DLG5: variants seen among roughly 807,000 people sequenced by gnomAD.
DLG5 encodes disks large homolog 5.
In DLG5, 48 loss-of-function variants were observed where a neutral mutation model predicts 189.8. That is an observed-to-expected ratio of 0.25 (90% CI 0.20 to 0.32). The LOEUF is 0.32. Among genes scored for constraint, DLG5 ranks in the 10% least tolerant of loss-of-function variants. The pLI, the probability that DLG5 is intolerant of heterozygous loss-of-function variation, is 1.00. For missense variants in DLG5, 2,160 were observed against 2,544.7 expected, an observed-to-expected ratio of 0.85 and a Z score of 3.25; for synonymous variants, 1,016 against 1,054.1, an observed-to-expected ratio of 0.96 and a Z score of 0.70.
At chr10:77,911,363 C>T (rs1255128607) in intron 1 of DLG5, among the ~76,000 whole-genome samples, 1 of 152,160 alleles carries the variant, frequency 6.6e-6, no homozygotes, top group African/African-American at 2.4e-5. Flanking sequence ...TCAAGCAATC[C>T]GCCTGCCTCC....
At chr10:77,930,342 A>T (rs536261446), upstream of DLG5, among the ~76,000 whole-genome samples, 4 of 150,970 alleles carry the variant, frequency 2.6e-5, no homozygotes, top group East Asian at 1.9e-4. Flanking sequence ...TGCTTTTTTT[A>T]AATTTATTTT....
chr10:77,870,634 A>G (rs1844858996), intron 1 of DLG5, among the ~76,000 whole-genome samples: 1 of 152,054 alleles, frequency 6.6e-6, no homozygotes, highest in Non-Finnish European at 1.5e-5. Flanking sequence ...GCAGTGAGCC[A>G]TGATCATGCC....
At chr10:77,833,139 C>T (rs1842956519) in intron 9 of DLG5, among the ~76,000 whole-genome samples, 1 of 152,032 alleles carries the variant, frequency 6.6e-6, no homozygotes, top group Non-Finnish European at 1.5e-5. Flanking sequence ...GGTTTTAGAC[C>T]ACGGCCTATT....
At position 77,911,963 on chromosome 10, in the gene DLG5, C is replaced by T. The variant is rs553522592; in HGVS notation, c.304+14254G>A. Among the ~76,000 whole-genome samples the T allele has an allele frequency of 1.5e-3, 227 of 150,030 alleles. 1 individual carries two copies. Among genetic ancestry groups the T allele is most frequent in the African/African-American group, 4.9e-3 (201 of 40,948 alleles). ...CCTGTGATCCCAACACTTTGGGAGGCTGAGGAGGGAGGATCACTTAAGGCC... is the reference window on the plus strand; with the variant it reads ...CCTGTGATCCCAACACTTTGGGAGGTTGAGGAGGGAGGATCACTTAAGGCC... On this transcript the variant is annotated intron_variant, in intron 1 of 31. Transcript: ENST00000372391.
At chr10:77,897,017 C>T (rs1374831056) in intron 1 of DLG5, among the ~76,000 whole-genome samples, 1 of 150,846 alleles carries the variant, frequency 6.6e-6, no homozygotes, top group Non-Finnish European at 1.5e-5. Context: ...CCAAATAATT[C>T]TATAAAATAT....
At chr10:77,940,062 C>T in the DLG5 span, among the ~76,000 whole-genome samples, 3 of 151,960 alleles carry the variant, frequency 2.0e-5, no homozygotes, top group East Asian at 1.9e-4. Context: ...ACTTGACCAA[C>T]AACTGACAAA....
intron 29 of DLG5, among the ~76,000 whole-genome samples, chr10:77,795,446 C>T (rs1840862156): frequency 6.6e-6 from 1 of 152,088 alleles, no homozygotes; most frequent in African/African-American, 2.4e-5. Context: ...GTAGAGTTTG[C>T]CCACTTTCAG....
intron 13 of DLG5, 38 bp from the exon 14 acceptor site, chr10:77,824,514 A>T: frequency 1.3e-6 from 2 of 1,545,062 alleles, no homozygotes; most frequent in Non-Finnish European, 1.8e-6. Flanking sequence ...CCACAGGCAG[A>T]GCGGCCTCAG....
At position 77,807,824 on chromosome 10, in the gene DLG5, C is replaced by T. The variant is rs1198066426; in HGVS notation, c.4768G>A (p.Gly1590Ser). 1.9e-6 allele frequency: 3 copies of T among 1,614,082 alleles called. No homozygotes were observed. The highest frequency in any genetic ancestry group is 2.5e-6 in the Non-Finnish European group (3 of 1,179,978). The change falls in exon 25 of 32, where the codon GGC becomes AGC. Residue 1590 changes from glycine to serine, a missense_variant. Around this residue, in one of 5 missense-constraint regions of DLG5, gnomAD observed 574 missense variants for 644.2 expected, o/e 0.89. Transcript: ENST00000372391. ...YRPEEFTKAK[G>S]LPGDSFYIRA... ...ATGTAGAAGCTGTCACCAGGCAGGC[C>T]CTTGGCCTTCGTGAACTCCTCAGGG... is the stretch of plus-strand genomic sequence containing the variant.
At position 77,816,199 on chromosome 10, in the gene DLG5, TAAC is replaced by T. The variant is rs1398411494; in HGVS notation, c.4025+349_4025+351del. ...AACTGTGAAACAGGGATAACAATAA[TAAC>T]GACACTGGCAGGGTCCCTGTAAGGA... On this transcript the variant is annotated intron_variant, in intron 20 of 31. Transcript: ENST00000372391. The T allele has an allele frequency of 1.1e-5, 6 of 550,040 alleles. No individual in the cohort carries two copies. The Admixed American group carries it at 1.3e-4, about 12-fold the overall frequency. The allele number at this position is 550,040 out of a possible 1,614,324, so 34.1% of individuals were successfully genotyped here. A position where few individuals can be genotyped will look rare whatever the true frequency, so the allele number is the denominator to read the frequency against.
chr10:77,871,393 T>A (rs1370154380), intron 1 of DLG5, among the ~76,000 whole-genome samples: 1 of 152,112 alleles, frequency 6.6e-6, no homozygotes, highest in Non-Finnish European at 1.5e-5. Flanking sequence ...AAAACCCAGT[T>A]CAGCCTTAAA....
chr10:77,913,254 A>T (rs1196482610), intron 1 of DLG5, among the ~76,000 whole-genome samples: 1 of 152,116 alleles, frequency 6.6e-6, no homozygotes, highest in Non-Finnish European at 1.5e-5. Context: ...ATCATTTTTA[A>T]AAGTTCTTCC....
At chr10:77,870,908 G>A (rs1189353622) in intron 1 of DLG5, among the ~76,000 whole-genome samples, 1 of 152,070 alleles carries the variant, frequency 6.6e-6, no homozygotes, top group Non-Finnish European at 1.5e-5. Context: ...CAGGAGGGCA[G>A]AGAGATAGAC....
At chr10:77,813,448 C>G (rs942283020) in intron 20 of DLG5, among the ~76,000 whole-genome samples, 1 of 152,156 alleles carries the variant, frequency 6.6e-6, no homozygotes, top group African/African-American at 2.4e-5. Flanking sequence ...GTTGTCCCTG[C>G]TCTCTCCCAC....
intron 13 of DLG5, among the ~76,000 whole-genome samples, chr10:77,827,377 C>T (rs1428644591): frequency 6.6e-6 from 1 of 152,136 alleles, no homozygotes; most frequent in Non-Finnish European, 1.5e-5. Context: ...AGGCACCCAC[C>T]ACCAAGCCCG....
rs752640568 is a variant in DLG5, at chr10:77,824,448, G to C, written c.2318C>G (p.Ser773Cys). The stretch of plus-strand genomic sequence containing the variant: ...CAGCAGAGATTCACATTCATTCAGA[G>C]ACTTGTTGTCCAGTGCAATGCCATT... ...AINGIALDNK[S>C]LNECESLLRS... The change falls in exon 14 of 32, where the codon TCT becomes TGT. Residue 773 changes from serine to cysteine, a missense_variant. Around this residue, in one of 5 missense-constraint regions of DLG5, gnomAD observed 107 missense variants for 214.5 expected, o/e 0.50. Coordinates refer to ENST00000372391, the MANE Select transcript of DLG5 (RefSeq NM_004747.4). 2 of 1,614,048 alleles carry C rather than the reference G, an allele frequency of 1.2e-6. No individual in the cohort carries two copies. Among genetic ancestry groups the C allele is most frequent in the Non-Finnish European group, 8.5e-7 (1 of 1,179,990 alleles).
chr10:77,801,716 G>A (rs1841214561), intron 27 of DLG5, among the ~76,000 whole-genome samples: 1 of 152,236 alleles, frequency 6.6e-6, no homozygotes, highest in South Asian at 2.1e-4. Flanking sequence ...CATGGTGGTG[G>A]ACGGGTGGTG....
At chr10:77,800,450 C>G (rs1338343323) in intron 27 of DLG5, among the ~76,000 whole-genome samples, 1 of 151,750 alleles carries the variant, frequency 6.6e-6, no homozygotes, top group African/African-American at 2.4e-5. Flanking sequence ...GCAGAGAACC[C>G]AGGCAGAGGG....
intron 17 of DLG5, 133 bp from the exon 18 acceptor site, chr10:77,818,022 C>T (rs1332905714): frequency 2.8e-6 from 2 of 715,104 alleles, no homozygotes; most frequent in East Asian, 5.4e-5. Context: ...TGATTATCAG[C>T]CGAGGATAGC....
Sources: gnomAD v4.1 joint callset for allele counts (sites outside exome capture counted in the v4.1 genomes callset) on GRCh38, gnomAD v4.1.1 for gene constraint, gnomAD v4.1.1 regional missense constraint, MANE v1.5 for transcripts, NCBI Gene and HGNC (gene_info 2026-07-23, HGNC 2026-07-21) for gene names.